The following SFMBT2 variants were observed in gnomAD, a reference collection of about 807,000 sequenced individuals.
The protein encoded by SFMBT2 is scm-like with four MBT domains protein 2.
In SFMBT2, 38 loss-of-function variants were observed where a neutral mutation model predicts 110.1. That is an observed-to-expected ratio of 0.35 (90% CI 0.27 to 0.45). The LOEUF is 0.45. Among genes scored for constraint, SFMBT2 ranks in the 20% least tolerant of loss-of-function variants. The pLI, the probability that SFMBT2 is intolerant of heterozygous loss-of-function variation, is 1.00. For synonymous variants in SFMBT2, 425 were observed against 425.4 expected, an observed-to-expected ratio of 1.00 and a Z score of 0.01; for missense variants, 1,011 against 1,094.9, an observed-to-expected ratio of 0.92 and a Z score of 1.08.
At chr10:7,202,173 G>A (rs1331036304) in intron 13 of SFMBT2, 1 of 242,428 alleles carries the variant, frequency 4.1e-6, no homozygotes, top group Non-Finnish European at 6.7e-6. Flanking sequence ...CCCTGCAGAC[G>A]CTGAGAACTA....
chr10:7,172,276 A>G lies in SFMBT2; in HGVS notation c.2152-118T>C. On this transcript the variant is annotated intron_variant, in intron 18 of 20. Transcript: ENST00000397167. The surrounding 1 kb of genome is among the most constrained non-coding windows in gnomAD (Gnocchi z 4.6). ...CTAGCAAACCCTCGGAAATGGAGCC[A>G]GTGGTCCCACCCGTGGGCCCTACGA... 8.2e-6 allele frequency: 12 copies of G among 1,456,546 alleles called. No individual in the cohort carries two copies. The highest frequency in any genetic ancestry group is 1.1e-5 in the Non-Finnish European group (12 of 1,106,528). 90.2% of individuals were successfully genotyped at this position (1,456,546 alleles called of 1,614,324 possible).
At chr10:7,299,755 T>A (rs1023611057) in intron 4 of SFMBT2, among the ~76,000 whole-genome samples, 1 of 152,206 alleles carries the variant, frequency 6.6e-6, no homozygotes, top group African/African-American at 2.4e-5. Flanking sequence ...TATGTGTGCA[T>A]GTGTCTTTAT....
At chr10:7,197,802 G>A (rs1838825371) in intron 14 of SFMBT2, 115 bp from the exon 15 acceptor site, 6 of 1,389,302 alleles carry the variant, frequency 4.3e-6, no homozygotes, top group East Asian at 2.4e-5. Flanking sequence ...AGAGCTGTCC[G>A]AGGTCTTGGC....
intron 7 of SFMBT2, chr10:7,249,559 A>C (rs1354978633): frequency 1.0e-6 from 1 of 985,262 alleles, no homozygotes; most frequent in African/African-American, 1.7e-5. Flanking sequence ...TTGGGTGTGA[A>C]GTACAAAAAT....
At chr10:7,405,827 C>G (rs1198646758) in intron 1 of SFMBT2, among the ~76,000 whole-genome samples, 1 of 122,560 alleles carries the variant, frequency 8.2e-6, no homozygotes, top group Admixed American at 9.4e-5. Context: ...CCGATTCCCC[C>G]CCCGACCCCC....
At chr10:7,351,265 T>C (rs916616295) in intron 4 of SFMBT2, among the ~76,000 whole-genome samples, 1 of 152,246 alleles carries the variant, frequency 6.6e-6, no homozygotes, top group Non-Finnish European at 1.5e-5. Flanking sequence ...CTTATTCATT[T>C]AACAACTGCT....
At chr10:7,286,404 A>T (rs1842088936) in intron 4 of SFMBT2, 1 of 974,424 alleles carries the variant, frequency 1.0e-6, no homozygotes, top group Admixed American at 6.1e-5. Context: ...AATGGGCACA[A>T]AATAACAAGA....
In SFMBT2 at chr10:7,231,372, A is replaced by G. The variant is rs141233059; in HGVS notation, c.1121-3435T>C. On this transcript the variant is annotated intron_variant, in intron 9 of 20. Coordinates refer to ENST00000397167, the MANE Select transcript of SFMBT2 (RefSeq NM_001387889.1). ...GGGAGGAGGGAAATGAGAGAAAACT[A>G]TATAGAAAAATAGCAAAGCATTTTC... 1.7e-3 allele frequency among the ~76,000 whole-genome samples: 265 copies of G among 152,370 alleles called. 2 individuals carry two copies. The highest frequency in any genetic ancestry group is 0.017 in the Middle Eastern group (5 of 294).
intron 14 of SFMBT2, among the ~76,000 whole-genome samples, chr10:7,199,110 G>A: frequency 6.6e-6 from 1 of 152,000 alleles, no homozygotes; most frequent in Non-Finnish European, 1.5e-5. Flanking sequence ...TCCTAAGTAG[G>A]TGGGATCACA....
chr10:7,373,300 G>A (rs1845109232), intron 2 of SFMBT2, among the ~76,000 whole-genome samples: 1 of 152,176 alleles, frequency 6.6e-6, no homozygotes, highest in Non-Finnish European at 1.5e-5. Flanking sequence ...GGAACAGCCT[G>A]AGGCCCTCAC....
At chr10:7,267,329 G>A (rs1368882801) in intron 7 of SFMBT2, among the ~76,000 whole-genome samples, 2 of 152,180 alleles carry the variant, frequency 1.3e-5, no homozygotes, top group African/African-American at 2.4e-5. Context: ...TCTGAATCCT[G>A]TGAGTCCTTT....
chr10:7,204,941 A>T, intron 12 of SFMBT2: 1 of 985,098 alleles, frequency 1.0e-6, no homozygotes, highest in East Asian at 1.1e-4. Flanking sequence ...CACATGTATG[A>T]ATGGGCGTTT....
rs116841694 is a variant in SFMBT2, at chr10:7,399,529, G to C, written c.-52+11332C>G. ...TTACAGGCGTGAGCCACTGCGCCCA[G>C]CCTATCCACCAAATTTTATAAATTA... On this transcript the variant is annotated intron_variant, in intron 1 of 20. Transcript: ENST00000397167. Among the ~76,000 whole-genome samples the C allele has an allele frequency of 4.6e-3, 702 of 152,290 alleles. 2 individuals are homozygous for C. Among genetic ancestry groups the C allele is most frequent in the Non-Finnish European group, 7.3e-3 (498 of 68,008 alleles).
chr10:7,224,367 C>T (rs1839841229), intron 10 of SFMBT2, among the ~76,000 whole-genome samples: 2 of 152,166 alleles, frequency 1.3e-5, no homozygotes, highest in African/African-American at 4.8e-5. Flanking sequence ...AGAATTTACA[C>T]ATGGAATCTG....
Position 7,185,928 on chromosome 10 carries a change from GA to G in SFMBT2, c.1808+2695del, listed in dbSNP as rs1838388248. On this transcript the variant is annotated intron_variant, in intron 16 of 20. Coordinates refer to ENST00000397167, the MANE Select transcript of SFMBT2 (RefSeq NM_001387889.1). Reference sequence around the variant, plus strand: ...CATATTTAAATTCATTGGCAAGAAAGAAATTTTCTCTTCCAGAACAGAAATG... The same window carrying G: ...CATATTTAAATTCATTGGCAAGAAAGAATTTTCTCTTCCAGAACAGAAATG... Among the ~76,000 whole-genome samples, 3 of 152,014 alleles carry G rather than the reference GA, an allele frequency of 2.0e-5. 1 individual carries two copies. The South Asian group carries it at 6.2e-4, about 32-fold the overall frequency.
chr10:7,378,061 G>A (rs915680802), intron 2 of SFMBT2, among the ~76,000 whole-genome samples: 10 of 151,472 alleles, frequency 6.6e-5, no homozygotes, highest in Non-Finnish European at 1.5e-4. Context: ...ATGGATGTGA[G>A]TGTGTGTGTG....
At chr10:7,334,111 CACG>C (rs1436054853) in intron 4 of SFMBT2, among the ~76,000 whole-genome samples, 2 of 152,176 alleles carry the variant, frequency 1.3e-5, no homozygotes, top group Non-Finnish European at 2.9e-5. Context: ...CATCTCAGGA[CACG>C]ACAACTCATT....
chr10:7,371,397 G>A (rs1845062310), intron 2 of SFMBT2, among the ~76,000 whole-genome samples: 1 of 152,072 alleles, frequency 6.6e-6, no homozygotes, highest in African/African-American at 2.4e-5. Context: ...AAAGTGCTAG[G>A]ATTACAGACA....
chr10:7,367,836 A>G lies in SFMBT2; in HGVS notation c.249T>C (p.Ala83=), dbSNP rs1156801986. The G allele has an allele frequency of 2.5e-6, 4 of 1,614,056 alleles. No individual in the cohort carries two copies. In the East Asian group the frequency reaches 6.7e-5, roughly 27 times the overall value. ...NFQPGMKLEV[A]NKNNPDTYWV... ...AGTACGTGTCCGGGTTGTTCTTATTAGCCACTTCCAATTTCATTCCTGGCT... is the reference window on the plus strand; with the variant it reads ...AGTACGTGTCCGGGTTGTTCTTATTGGCCACTTCCAATTTCATTCCTGGCT... The change falls in exon 4 of 21, where the codon GCT becomes GCC. Residue 83 remains alanine (A), a synonymous_variant. Transcript: ENST00000397167. The surrounding 1 kb of genome is among the most constrained non-coding windows in gnomAD (Gnocchi z 6.2).
Sources: gnomAD v4.1 joint callset for allele counts (sites outside exome capture counted in the v4.1 genomes callset) on GRCh38, gnomAD v4.1.1 for gene constraint, Gnocchi (gnomAD v3.1) non-coding constraint, MANE v1.5 for transcripts, NCBI Gene and HGNC (gene_info 2026-07-23, HGNC 2026-07-21) for gene names.